AK7: variants seen among roughly 807,000 people sequenced by gnomAD.
AK7 encodes the protein ATP-AMP transphosphorylase 7.
A neutral mutation model predicts 96.6 loss-of-function variants in AK7; 78 were observed. The ratio of observed to expected loss-of-function variants is 0.81; its 90% confidence interval spans 0.67 to 0.97. The LOEUF (loss-of-function observed/expected upper bound fraction) is 0.97. AK7 is among the 50% of genes least tolerant of loss of function. The probability of loss-of-function intolerance (pLI) is 0.00; values close to 1 mark genes in which losing one functional copy is unlikely to be tolerated. For missense variants in AK7, 855 were observed against 887.9 expected, an observed-to-expected ratio of 0.96 and a Z score of 0.47; for synonymous variants, 302 against 317.2, an observed-to-expected ratio of 0.95 and a Z score of 0.51.
chr14:96,395,783 T>A (rs1595363401), intron 1 of AK7, among the ~76,000 whole-genome samples: 1 of 127,842 alleles, frequency 7.8e-6, no homozygotes, highest in African/African-American at 2.8e-5. Context: ...CTTAAATTAA[T>A]CCCCTTTTGA....
intron 4 of AK7, 52 bp from the exon 5 acceptor site, chr14:96,420,770 C>A: frequency 7.8e-7 from 1 of 1,274,652 alleles, no homozygotes; most frequent in South Asian, 1.3e-5. Flanking sequence ...CCTTAGAAGT[C>A]ACACATCTCT....
intron 5 of AK7, chr14:96,424,183 A>G (rs112770786): frequency 6.7e-6 from 4 of 596,630 alleles, no homozygotes; most frequent in Non-Finnish European, 3.1e-6. Flanking sequence ...TGAAGGCTCC[A>G]GGGCCCGGAC....
At position 96,442,184 on chromosome 14, in the gene AK7, G is replaced by A. The variant is rs192456346; in HGVS notation, c.691-546G>A. 3.3e-3 allele frequency among the ~76,000 whole-genome samples: 510 copies of A among 152,280 alleles called. 4 individuals carry two copies. The highest frequency in any genetic ancestry group is 0.011 in the African/African-American group (467 of 41,564). On this transcript the variant is annotated intron_variant, in intron 6 of 17. Coordinates refer to ENST00000267584, the MANE Select transcript of AK7 (RefSeq NM_152327.5). The stretch of plus-strand genomic sequence containing the variant: ...GAAAAGATGAGGATTTGGACTCTGA[G>A]GATCGGGGTTCCAGTCCAAGCTCTC...
chr14:96,421,074 T>C, intron 5 of AK7, 142 bp downstream of exon 5: 1 of 545,154 alleles, frequency 1.8e-6, no homozygotes. Flanking sequence ...TGGCCCAGGT[T>C]CTGGTCCAGC....
At chr14:96,406,209 G>T (rs1397966920) in intron 3 of AK7, among the ~76,000 whole-genome samples, 3 of 152,064 alleles carry the variant, frequency 2.0e-5, no homozygotes, top group Admixed American at 2.0e-4. Context: ...GAGCCACTGT[G>T]CCCGGCCAAG....
At chr14:96,442,644 T>C in intron 6 of AK7, 86 bp from the exon 7 acceptor site, 1 of 1,026,502 alleles carries the variant, frequency 9.7e-7, no homozygotes, top group East Asian at 2.4e-5. Context: ...GGCCTTTCAG[T>C]TGCCTCTGAC....
chr14:96,458,856 G>A (rs1894089599), intron 12 of AK7, among the ~76,000 whole-genome samples: 1 of 133,280 alleles, frequency 7.5e-6, no homozygotes, highest in Non-Finnish European at 1.5e-5. Context: ...GCTGTAGTAA[G>A]CCATGATCAT....
chr14:96,435,977 G>A (rs1211871030), intron 5 of AK7, among the ~76,000 whole-genome samples: 2 of 152,064 alleles, frequency 1.3e-5, no homozygotes, highest in African/African-American at 4.8e-5. Context: ...GTTAAAATAG[G>A]TACTGTGAGG....
At chr14:96,415,357 A>G (rs1891267985) in intron 4 of AK7, among the ~76,000 whole-genome samples, 1 of 152,146 alleles carries the variant, frequency 6.6e-6, no homozygotes. Context: ...GCAAGCAGTA[A>G]GCTGTTCCTT....
At chr14:96,445,387 C>T (rs1893179243) in intron 7 of AK7, among the ~76,000 whole-genome samples, 1 of 152,166 alleles carries the variant, frequency 6.6e-6, no homozygotes, top group African/African-American at 2.4e-5. Context: ...AGGCTAGGTG[C>T]AGTGGCTCAT....
intron 15 of AK7, among the ~76,000 whole-genome samples, chr14:96,480,751 T>A (rs995788017): frequency 1.3e-5 from 2 of 152,118 alleles, no homozygotes; most frequent in South Asian, 2.1e-4. Flanking sequence ...CAGGGAGGAA[T>A]GAATGAGTGG....
chr14:96,486,971 A>G lies in AK7; in HGVS notation c.2048A>G (p.Tyr683Cys). The change falls in exon 17 of 18, where the codon TAT becomes TGT. Residue 683 changes from tyrosine (Y) to cysteine (C), a missense_variant. Physicochemically the swap from Tyr to Cys is radical, Grantham distance 194. Transcript: ENST00000267584. ...GCTCAGTCAATTCCCCTGAGAAACT[A>G]TTTAATGACCTATGTGATGCCAACT... ...LEAQSIPLRN[Y>C]LMTYVMPTLI... is the part of the protein sequence containing the mutation. 1.9e-6 allele frequency: 3 copies of G among 1,614,124 alleles called. No individual in the cohort carries two copies. The highest frequency in any genetic ancestry group is 1.7e-5 in the Admixed American group (1 of 60,022).
chr14:96,439,385 T>A (rs889396440), intron 6 of AK7, among the ~76,000 whole-genome samples: 1 of 151,872 alleles, frequency 6.6e-6, no homozygotes, highest in African/African-American at 2.4e-5. Flanking sequence ...TTAAAAAAAA[T>A]ATTTTTGGCC....
chr14:96,480,905 C>G lies in AK7; in HGVS notation c.1754-2094C>G, dbSNP rs374704124. Among the ~76,000 whole-genome samples, 394 of 152,254 alleles carry G rather than the reference C, an allele frequency of 2.6e-3. 15 individuals are homozygous for G. In the South Asian group the frequency reaches 0.069, roughly 27 times the overall value. ...GCGTCTCACAGCCAGGGATGCAGCC[C>G]GGCCTCTGCAATGTCTGGAATGGGG... On this transcript the variant is annotated intron_variant, in intron 15 of 17. Transcript: ENST00000267584.
At position 96,395,718 on chromosome 14, in the gene AK7, GAA is replaced by G. The variant is rs71103518; in HGVS notation, c.106-2332_106-2331del. ...AGGGCAGAGTAAAACCTTGTCTCTAGAAAAAAAAAAAAAAAAAAAAAAAAAAG... is the reference window on the plus strand; with the variant it reads ...AGGGCAGAGTAAAACCTTGTCTCTAGAAAAAAAAAAAAAAAAAAAAAAAAG... On this transcript the variant is annotated intron_variant, in intron 1 of 17. Coordinates refer to ENST00000267584, the MANE Select transcript of AK7 (RefSeq NM_152327.5). 1.1e-3 allele frequency among the ~76,000 whole-genome samples: 45 copies of G among 41,042 alleles called. No individual in the cohort carries two copies. In the South Asian group the frequency reaches 0.019, roughly 18 times the overall value. The allele number at this position is 41,042 out of a possible 152,430, so 26.9% of individuals were successfully genotyped here.
intron 1 of AK7, among the ~76,000 whole-genome samples, chr14:96,394,250 G>A (rs546196973): frequency 2.0e-5 from 3 of 152,298 alleles, no homozygotes; most frequent in African/African-American, 7.2e-5. Flanking sequence ...CACAGTGCTA[G>A]GGGGCAGTGC....
chr14:96,481,417 G>A (rs1011436661), intron 15 of AK7, among the ~76,000 whole-genome samples: 5 of 151,992 alleles, frequency 3.3e-5, no homozygotes, highest in Admixed American at 6.6e-5. Flanking sequence ...CGCAATCTTG[G>A]CTCACTGCAA....
chr14:96,411,089 C>A (rs571507318), intron 4 of AK7, among the ~76,000 whole-genome samples: 52 of 152,268 alleles, frequency 3.4e-4, no homozygotes, highest in Middle Eastern at 6.8e-3. Flanking sequence ...GTTGTACAAC[C>A]ACCACAACAA....
intron 8 of AK7, among the ~76,000 whole-genome samples, chr14:96,447,168 G>A (rs915763626): frequency 9.9e-5 from 15 of 152,110 alleles, no homozygotes; most frequent in Non-Finnish European, 1.5e-5. Context: ...AGAAGATGGC[G>A]ATCATTGCAC....
Sources: gnomAD v4.1 joint callset for allele counts (sites outside exome capture counted in the v4.1 genomes callset) on GRCh38, gnomAD v4.1.1 for gene constraint, MANE v1.5 for transcripts, NCBI Gene and HGNC (gene_info 2026-07-23, HGNC 2026-07-21) for gene names.